The following INTS2 variants were observed in gnomAD, a reference collection of about 807,000 sequenced individuals.
INTS2 encodes the protein KIAA1287.
Under a neutral mutation model 139.6 loss-of-function variants are expected in INTS2, and 57 were observed. The observed-to-expected ratio is 0.41, with a 90% CI of 0.33 to 0.51. INTS2 has a LOEUF of 0.51. Among genes scored for constraint, INTS2 ranks in the 20% least tolerant of loss-of-function variants. The pLI is 0.28. For missense variants in INTS2, 1,196 were observed against 1,436.7 expected (o/e 0.83, Z 2.71); for synonymous variants, 473 against 493.4 (o/e 0.96, Z 0.55).
At chr17:61,883,073 G>A (rs1275082774) in intron 16 of INTS2, among the ~76,000 whole-genome samples, 2 of 152,070 alleles carry the variant, frequency 1.3e-5, no homozygotes, top group Non-Finnish European at 2.9e-5. Flanking sequence ...ATGCATACAG[G>A]AGTATATATA....
chr17:61,923,196 G>A (rs888030923), intron 3 of INTS2, among the ~76,000 whole-genome samples: 5 of 151,796 alleles, frequency 3.3e-5, no homozygotes, highest in East Asian at 3.9e-4. Context: ...TCTAAAACTC[G>A]GCCGGGCGCA....
At chr17:61,888,024 C>T (rs1297095421) in intron 15 of INTS2, among the ~76,000 whole-genome samples, 1 of 151,804 alleles carries the variant, frequency 6.6e-6, no homozygotes, top group African/African-American at 2.4e-5. Flanking sequence ...TGCATTCCAG[C>T]CTGGGTGACA....
intron 9 of INTS2, among the ~76,000 whole-genome samples, chr17:61,902,701 C>A (rs1402622105): frequency 6.6e-6 from 1 of 150,834 alleles, no homozygotes; most frequent in Non-Finnish European, 1.5e-5. Flanking sequence ...CAGCGAAACA[C>A]TGTCTCTTAA....
rs1390583681 is a variant in INTS2, at chr17:61,893,433, C to T, written c.1698+332G>A. 6.6e-6 allele frequency among the ~76,000 whole-genome samples: 1 copy of T among 152,052 alleles called. No homozygotes were observed. ...AATGTAGGCCAGGCACAGTGGCTCA[C>T]GCCTGTAATCCCAGCACTTTGGTCG... On this transcript the variant is annotated intron_variant, in intron 13 of 24. Coordinates refer to ENST00000251334, the MANE Select transcript of INTS2 (RefSeq NM_001351695.2). The surrounding 1 kb of genome is among the most constrained non-coding windows in gnomAD (Gnocchi z 5.4).
At chr17:61,915,816 TAAAA>T (rs1193639396) in intron 5 of INTS2, among the ~76,000 whole-genome samples, 2 of 64,190 alleles carry the variant, frequency 3.1e-5, no homozygotes, top group East Asian at 4.2e-4. Context: ...AGACTCTGTC[TAAAA>T]AAAAAAAAAA....
rs2079128834 is a variant in INTS2 at position 61,876,535 on chromosome 17, C to T, written c.2456+1352G>A. On this transcript the variant is annotated intron_variant, in intron 18 of 24. Transcript: ENST00000251334. The surrounding 1 kb of genome is among the most constrained non-coding windows in gnomAD (Gnocchi z 4.1). Reference sequence around the variant, plus strand: ...CTCACTGAAGCCTCCATCTCCTGGGCTCAAGCGATCGTCCTGCCTCAGCCC... The same window carrying T: ...CTCACTGAAGCCTCCATCTCCTGGGTTCAAGCGATCGTCCTGCCTCAGCCC... Among the ~76,000 whole-genome samples the T allele has an allele frequency of 6.6e-6, 1 of 151,954 alleles. No individual in the cohort carries two copies. Among genetic ancestry groups the T allele is most frequent in the Non-Finnish European group, 1.5e-5 (1 of 67,970 alleles).
chr17:61,927,757 G>C lies in INTS2; in HGVS notation c.-122C>G. 1 of 1,538,080 alleles carries C rather than the reference G, an allele frequency of 6.5e-7. No homozygotes were observed. On this transcript the variant is annotated 5_prime_UTR_variant, in exon 1 of 25. It adds an upstream start codon to the 5' untranslated region. Transcript: ENST00000251334. ...GCGCGGTCCGATGTTGGGCCTAGGC[G>C]ATATCCGGAACCCCAAACCCTAGTT...
In INTS2 at chr17:61,897,260, T is replaced by A. The variant is rs2079359089; in HGVS notation, c.1494+209A>T. Among the ~76,000 whole-genome samples, 1 of 152,154 alleles carries A rather than the reference T, an allele frequency of 6.6e-6. No individual in the cohort carries two copies. Among genetic ancestry groups the A allele is most frequent in the African/African-American group, 2.4e-5 (1 of 41,446 alleles). On this transcript the variant is annotated intron_variant, in intron 11 of 24. Coordinates refer to ENST00000251334, the MANE Select transcript of INTS2 (RefSeq NM_001351695.2). The surrounding 1 kb of genome is among the most constrained non-coding windows in gnomAD (Gnocchi z 4.4). Reference sequence around the variant, plus strand: ...GAATCATGGAATTATAAGATATCTTTCCCTTTTCTGTGCTTTCCAAGGTTT... The same window carrying A: ...GAATCATGGAATTATAAGATATCTTACCCTTTTCTGTGCTTTCCAAGGTTT...
At position 61,893,712 on chromosome 17, in the gene INTS2, T is replaced by C. The variant is rs947033685; in HGVS notation, c.1698+53A>G. On this transcript the variant is annotated intron_variant, in intron 13 of 24. Coordinates refer to ENST00000251334, the MANE Select transcript of INTS2 (RefSeq NM_001351695.2). The surrounding 1 kb of genome is among the most constrained non-coding windows in gnomAD (Gnocchi z 5.4). ...TCCATCTCAAAAGAAAAAAAATATA[T>C]ATATAAAAATGTAGGGGCATGCTTT... The C allele has an allele frequency of 7.6e-6, 10 of 1,312,980 alleles. No homozygotes were observed. In the African/African-American group the frequency reaches 1.1e-4, roughly 14 times the overall value. The allele number at this position is 1,312,980 out of a possible 1,614,324, so 81.3% of individuals were successfully genotyped here.
At chr17:61,883,707 G>A (rs1473225638) in intron 16 of INTS2, among the ~76,000 whole-genome samples, 6 of 148,824 alleles carry the variant, frequency 4.0e-5, no homozygotes, top group Admixed American at 2.7e-4. Flanking sequence ...AGCCAAGATC[G>A]CACCACAGTA....
chr17:61,888,568 T>TGCGTGC (rs1567897745), intron 15 of INTS2, among the ~76,000 whole-genome samples: 13 of 81,300 alleles, frequency 1.6e-4, no homozygotes, highest in African/African-American at 8.4e-4. Context: ...TGCGTGCGTG[T>TGCGTGC]GTGTGTGTGT....
intron 14 of INTS2, 145 bp from the exon 15 acceptor site, chr17:61,890,039 A>T: frequency 1.7e-6 from 1 of 590,412 alleles, no homozygotes; most frequent in South Asian, 1.9e-5. Context: ...CTGTGTGTGT[A>T]TTAAACTCAA....
rs1024540174 is a variant in INTS2 at position 61,882,158 on chromosome 17, C to T, written c.2090-987G>A. Among the ~76,000 whole-genome samples, 1 of 152,186 alleles carries T rather than the reference C, an allele frequency of 6.6e-6. No homozygotes were observed. The highest frequency in any genetic ancestry group is 1.5e-5 in the Non-Finnish European group (1 of 68,036). On this transcript the variant is annotated intron_variant, in intron 16 of 24. Coordinates refer to ENST00000251334, the MANE Select transcript of INTS2 (RefSeq NM_001351695.2). The surrounding 1 kb of genome is among the most constrained non-coding windows in gnomAD (Gnocchi z 4.7). The stretch of plus-strand genomic sequence containing the variant: ...TGTACGTTTTCTCATCTCTCCCTAA[C>T]ATTCATACAAAGTAAGCAATGCCTC...
At chr17:61,912,437 A>G (rs2079537069) in intron 5 of INTS2, among the ~76,000 whole-genome samples, 1 of 150,970 alleles carries the variant, frequency 6.6e-6, no homozygotes, top group South Asian at 2.1e-4. Context: ...AGCCTGGCCA[A>G]CATGGTGAAA....
chr17:61,906,963 CAA>C (rs34773307), intron 8 of INTS2, among the ~76,000 whole-genome samples: 1 of 80,202 alleles, frequency 1.2e-5, no homozygotes, highest in Non-Finnish European at 2.4e-5. Flanking sequence ...GATTCCATCT[CAA>C]AAAAAAAAAA....
At chr17:61,926,157 A>G (rs138491417) in intron 2 of INTS2, among the ~76,000 whole-genome samples, 195 bp downstream of exon 2, 1 of 152,220 alleles carries the variant, frequency 6.6e-6, no homozygotes, top group African/African-American at 2.4e-5. Context: ...GCACATTGCC[A>G]TATTTCTCTA....
chr17:61,911,485 C>A, intron 7 of INTS2, 35 bp downstream of exon 7: 1 of 1,570,902 alleles, frequency 6.4e-7, no homozygotes, highest in Non-Finnish European at 8.7e-7. Flanking sequence ...CTAAAGTATT[C>A]TGATCCTTAG....
rs368922106 is a variant in INTS2 at position 61,882,778 on chromosome 17, G to T, written c.2090-1607C>A. 6.6e-6 allele frequency among the ~76,000 whole-genome samples: 1 copy of T among 152,118 alleles called. No homozygotes were observed. Among genetic ancestry groups the T allele is most frequent in the Non-Finnish European group, 1.5e-5 (1 of 68,022 alleles). On this transcript the variant is annotated intron_variant, in intron 16 of 24. Coordinates refer to ENST00000251334, the MANE Select transcript of INTS2 (RefSeq NM_001351695.2). This position sits in a 1 kb window ranked among gnomAD's most constrained non-coding sequence, Gnocchi z 4.7. ...ATGCCTATTTAGTTAATGAATTAAC[G>T]AAGTACTACTATGCTAAGTGCTTCA...
chr17:61,878,048 C>T lies in INTS2; in HGVS notation c.2295G>A (p.Gln765=). Residue 765 remains glutamine (Q), a synonymous_variant, in exon 18 of 25, where the codon CAG becomes CAA. Transcript: ENST00000251334. The part of the protein sequence containing the change: ...AVPVNNTQVM[Q]IIEHLTLLSA... Reference sequence around the variant, plus strand: ...AGAGTAGAGTCAAGTGTTCTATAATCTGCATCACTTGTGTGTTATTTACTG... The same window carrying T: ...AGAGTAGAGTCAAGTGTTCTATAATTTGCATCACTTGTGTGTTATTTACTG... 1 of 1,612,888 alleles carries T rather than the reference C, an allele frequency of 6.2e-7. No individual in the cohort carries two copies. Among genetic ancestry groups the T allele is most frequent in the African/African-American group, 1.3e-5 (1 of 75,016 alleles).
Sources: gnomAD v4.1 joint callset for allele counts (sites outside exome capture counted in the v4.1 genomes callset) on GRCh38, gnomAD v4.1.1 for gene constraint, Gnocchi (gnomAD v3.1) non-coding constraint, MANE v1.5 for transcripts, NCBI Gene and HGNC (gene_info 2026-07-23, HGNC 2026-07-21) for gene names.